The following DENND2B variants were observed in gnomAD, a reference collection of about 807,000 sequenced individuals.
The protein encoded by DENND2B is DENN domain-containing protein 2B.
Under a neutral mutation model 116.0 loss-of-function variants are expected in DENND2B, and 32 were observed. The ratio of observed to expected loss-of-function variants is 0.28; its 90% confidence interval spans 0.21 to 0.37. The LOEUF (loss-of-function observed/expected upper bound fraction) is 0.37. Among genes scored for constraint, DENND2B ranks in the 10% least tolerant of loss-of-function variants. The pLI is 1.00. For missense variants in DENND2B, 1,276 were observed against 1,477.7 expected (o/e 0.86, Z 2.24); for synonymous variants, 588 against 583.9 (o/e 1.01, Z -0.10).
At chr11:8,892,112 G>T (rs1010514174) in intron 1 of DENND2B, among the ~76,000 whole-genome samples, 2 of 152,190 alleles carry the variant, frequency 1.3e-5, no homozygotes, top group African/African-American at 4.8e-5. Context: ...CAACTACATG[G>T]AAACTGAACA....
At chr11:8,722,202 C>G (rs1355741425) in intron 4 of DENND2B, among the ~76,000 whole-genome samples, 1 of 152,208 alleles carries the variant, frequency 6.6e-6, no homozygotes, top group East Asian at 1.9e-4. Flanking sequence ...AGGCATCATG[C>G]CTAGTGTAGG....
intron 4 of DENND2B, among the ~76,000 whole-genome samples, chr11:8,826,812 G>A (rs562189973): frequency 7.2e-5 from 11 of 152,332 alleles, no homozygotes; most frequent in African/African-American, 2.6e-4. Context: ...GCGGAAGAGA[G>A]CTAGTTTGCC....
At chr11:8,854,950 G>A (rs183358022) in intron 3 of DENND2B, among the ~76,000 whole-genome samples, 1 of 152,238 alleles carries the variant, frequency 6.6e-6, no homozygotes, top group East Asian at 1.9e-4. Context: ...GGCCTCAAGT[G>A]ATCCGCCTGC....
rs1464450923 is a variant in DENND2B at position 8,693,726 on chromosome 11, GGCAGGCCGAAGGCCT to G, written c.*355_*369del. ...TGGCAGCGGGGACCTCAGGCAGGCA[GGCAGGCCGAAGGCCT>G]CCAGGGAAGATCAGTGGTTTGGCTG... is the stretch of plus-strand genomic sequence containing the variant. On this transcript the variant is annotated 3_prime_UTR_variant, in exon 20 of 20. Transcript: ENST00000313726. 4.7e-6 allele frequency: 1 copy of G among 212,530 alleles called. No individual in the cohort carries two copies. Among genetic ancestry groups the G allele is most frequent in the African/African-American group, 2.3e-5 (1 of 43,176 alleles). The allele number at this position is 212,530 out of a possible 1,614,324, so 13.2% of individuals were successfully genotyped here. A position where few individuals can be genotyped will look rare whatever the true frequency, so the allele number is the denominator to read the frequency against.
rs146397878 is a variant in DENND2B at position 8,805,299 on chromosome 11, T to C, written c.-26+5218A>G. Among the ~76,000 whole-genome samples, 1,017 of 152,218 alleles carry C rather than the reference T, an allele frequency of 6.7e-3. 5 individuals are homozygous for C. The highest frequency in any genetic ancestry group is 0.011 in the Non-Finnish European group (768 of 68,010). On this transcript the variant is annotated intron_variant, in intron 1 of 19. Transcript: ENST00000313726. ...CTGAGTACCTAAGAGTCACTGAGAG[T>C]TGAACAAACACACCACAGGCTAGTT...
At chr11:8,773,507 C>G (rs2057231552) in intron 1 of DENND2B, among the ~76,000 whole-genome samples, 1 of 152,222 alleles carries the variant, frequency 6.6e-6, no homozygotes, top group South Asian at 2.1e-4. Flanking sequence ...AGATCCTCCC[C>G]ACACCTACCT....
At chr11:8,753,287 C>T (rs1334526295) in intron 1 of DENND2B, among the ~76,000 whole-genome samples, 6 of 152,032 alleles carry the variant, frequency 3.9e-5, no homozygotes, top group African/African-American at 1.4e-4. Flanking sequence ...AACGAACAAT[C>T]TGAAAATGAA....
chr11:8,707,394 G>T lies in DENND2B; in HGVS notation c.2431-169C>A. On this transcript the variant is annotated intron_variant, in intron 12 of 19. Coordinates refer to ENST00000313726, the MANE Select transcript of DENND2B (RefSeq NM_213618.2). The surrounding 1 kb of genome is among the most constrained non-coding windows in gnomAD (Gnocchi z 4.8). Reference sequence around the variant, plus strand: ...CACTCTACCCTTCCCGTTTTCCTTGGCACTCAGTGACTCCTCTGTTCCCTA... The same window carrying T: ...CACTCTACCCTTCCCGTTTTCCTTGTCACTCAGTGACTCCTCTGTTCCCTA... The T allele has an allele frequency of 1.1e-6, 1 of 882,722 alleles. No individual in the cohort carries two copies. Among genetic ancestry groups the T allele is most frequent in the Non-Finnish European group, 1.7e-6 (1 of 600,964 alleles). The allele number at this position is 882,722 out of a possible 1,614,324, so 54.7% of individuals were successfully genotyped here. A position where few individuals can be genotyped will look rare whatever the true frequency, so the allele number is the denominator to read the frequency against.
chr11:8,761,783 T>A (rs1259365231), intron 1 of DENND2B, among the ~76,000 whole-genome samples: 1 of 151,810 alleles, frequency 6.6e-6, no homozygotes, highest in African/African-American at 2.4e-5. Flanking sequence ...CTTCTCCGAG[T>A]AAGACTAGGA....
intron 1 of DENND2B, among the ~76,000 whole-genome samples, chr11:8,789,366 C>T (rs913665368): frequency 6.6e-6 from 1 of 152,156 alleles, no homozygotes. Flanking sequence ...AAACAACTTA[C>T]GTGCAAGATT....
At chr11:8,787,589 G>C (rs2059027740) in intron 1 of DENND2B, among the ~76,000 whole-genome samples, 2 of 152,208 alleles carry the variant, frequency 1.3e-5, no homozygotes, top group Non-Finnish European at 2.9e-5. Context: ...AAACACGTAA[G>C]CAAGTGTGTC....
intron 13 of DENND2B, among the ~76,000 whole-genome samples, chr11:8,705,522 G>T (rs996014435): frequency 2.6e-5 from 4 of 152,120 alleles, no homozygotes; most frequent in African/African-American, 4.8e-5. Context: ...GACTGAGGAG[G>T]ACCCCATACT....
chr11:8,741,108 C>G (rs2050125323), intron 2 of DENND2B, among the ~76,000 whole-genome samples: 1 of 152,214 alleles, frequency 6.6e-6, no homozygotes, highest in Admixed American at 6.5e-5. Context: ...TCCAGGGCAG[C>G]CTCAGCCCCC....
chr11:8,795,817 C>A (rs1205982114), intron 1 of DENND2B, among the ~76,000 whole-genome samples: 1 of 152,204 alleles, frequency 6.6e-6, no homozygotes, highest in Non-Finnish European at 1.5e-5. Flanking sequence ...GCCAGTCTTT[C>A]CAGCCTCATC....
intron 4 of DENND2B, among the ~76,000 whole-genome samples, chr11:8,822,254 C>A (rs1274921001): frequency 6.6e-6 from 1 of 152,150 alleles, no homozygotes; most frequent in Non-Finnish European, 1.5e-5. Flanking sequence ...AGATGTACAG[C>A]ATGATAATTA....
intron 2 of DENND2B, among the ~76,000 whole-genome samples, chr11:8,863,475 C>T (rs1372007797): frequency 6.6e-6 from 1 of 151,908 alleles, no homozygotes; most frequent in East Asian, 1.9e-4. Context: ...CCTTGAGATC[C>T]GCTCGCCTCG....
At chr11:8,823,830 C>T (rs1212735255) in intron 4 of DENND2B, among the ~76,000 whole-genome samples, 4 of 152,120 alleles carry the variant, frequency 2.6e-5, no homozygotes, top group Non-Finnish European at 4.4e-5. Flanking sequence ...ATAAATCCCA[C>T]TTGATCATGG....
intron 1 of DENND2B, among the ~76,000 whole-genome samples, chr11:8,894,749 A>G (rs1168695023): frequency 2.0e-5 from 3 of 152,168 alleles, no homozygotes; most frequent in Non-Finnish European, 4.4e-5. Flanking sequence ...TCAGGAAACA[A>G]CAGGTGCTGG....
intron 1 of DENND2B, among the ~76,000 whole-genome samples, chr11:8,795,767 C>G (rs1213895893): frequency 1.3e-5 from 2 of 152,114 alleles, no homozygotes. Flanking sequence ...AGTGATTCCC[C>G]GCTTTCTGGA....
Sources: allele counts gnomAD v4.1 joint callset (sites outside exome capture counted in the v4.1 genomes callset), GRCh38; gene constraint gnomAD v4.1.1; non-coding constraint Gnocchi (gnomAD v3.1); transcripts MANE v1.5; gene names NCBI Gene and HGNC (gene_info 2026-07-23, HGNC 2026-07-21).